ENTREP1: variants seen among roughly 807,000 people sequenced by gnomAD.
ENTREP1 encodes the protein Friedreich ataxia region gene X123.
chr9:69,365,515 G>A, the ENTREP1 span, among the ~76,000 whole-genome samples: 1 of 152,104 alleles, frequency 6.6e-6, no homozygotes, highest in Non-Finnish European at 1.5e-5. Context: ...TCATTTCTAT[G>A]TATTGGGGAC....
At chr9:69,389,173 A>G in the ENTREP1 span, among the ~76,000 whole-genome samples, 1 of 152,078 alleles carries the variant, frequency 6.6e-6, no homozygotes, top group South Asian at 2.1e-4. Flanking sequence ...TGTTGGCTTC[A>G]TTGCTGCAGG....
chr9:69,326,569 G>C, the ENTREP1 span, among the ~76,000 whole-genome samples: 2 of 152,018 alleles, frequency 1.3e-5, no homozygotes, highest in Non-Finnish European at 2.9e-5. Context: ...TGGACACCGG[G>C]TGGCCACTCC....
At chr9:69,377,941 C>A in the ENTREP1 span, among the ~76,000 whole-genome samples, 1 of 152,150 alleles carries the variant, frequency 6.6e-6, no homozygotes, top group African/African-American at 2.4e-5. Flanking sequence ...TTTAGAGAGT[C>A]CACCTCTGCC....
the ENTREP1 span, chr9:69,385,917 G>T: frequency 3.1e-6 from 5 of 1,612,884 alleles, no homozygotes; most frequent in Non-Finnish European, 4.2e-6. Context: ...GTCGAAGAGT[G>T]ACCCTGTGCT....
chr9:69,369,975 A>C, the ENTREP1 span, among the ~76,000 whole-genome samples: 1 of 152,146 alleles, frequency 6.6e-6, no homozygotes, highest in South Asian at 2.1e-4. Context: ...TATATGAGTG[A>C]AAATATTTTC....
chr9:69,377,561 C>T, the ENTREP1 span: 72 of 1,612,168 alleles, frequency 4.5e-5, no homozygotes, highest in East Asian at 1.0e-3. Context: ...CCTCTCTCCC[C>T]GTGCCTTTGT....
the ENTREP1 span, among the ~76,000 whole-genome samples, chr9:69,355,824 G>A: frequency 2.1e-3 from 319 of 152,314 alleles, 1 homozygote; most frequent in Non-Finnish European, 3.6e-3. Flanking sequence ...GGCTGGTGAC[G>A]AGAGCGTGAA....
the ENTREP1 span, among the ~76,000 whole-genome samples, chr9:69,337,224 A>G: frequency 6.6e-6 from 1 of 151,696 alleles, no homozygotes; most frequent in Non-Finnish European, 1.5e-5. Flanking sequence ...CATGTTGGCC[A>G]GGCTAGTCCC....
chr9:69,358,268 A>AT, the ENTREP1 span, among the ~76,000 whole-genome samples: 2 of 152,168 alleles, frequency 1.3e-5, no homozygotes, highest in Non-Finnish European at 2.9e-5. Context: ...GGTGGTAGCC[A>AT]TTTTCATGCT....
the ENTREP1 span, chr9:69,377,830 T>C: frequency 7.1e-6 from 10 of 1,403,982 alleles, no homozygotes; most frequent in Middle Eastern, 2.6e-4. Context: ...CCACATGAGA[T>C]CTCACTTTTC....
chr9:69,382,906 C>T, the ENTREP1 span: 1 of 403,270 alleles, frequency 2.5e-6, no homozygotes, highest in Non-Finnish European at 3.4e-6. Context: ...TACTCCATAG[C>T]AGAATGCAGG....
At chr9:69,363,327 A>G in the ENTREP1 span, among the ~76,000 whole-genome samples, 1 of 152,200 alleles carries the variant, frequency 6.6e-6, no homozygotes, top group African/African-American at 2.4e-5. Flanking sequence ...TAACTGGGCA[A>G]GTGATGATTA....
the ENTREP1 span, chr9:69,383,705 T>G: frequency 6.2e-7 from 1 of 1,614,040 alleles, no homozygotes; most frequent in Non-Finnish European, 8.5e-7. Flanking sequence ...TGTTCTGTCC[T>G]CTGGATCCCC....
At chr9:69,326,523 C>T in the ENTREP1 span, among the ~76,000 whole-genome samples, 1 of 152,198 alleles carries the variant, frequency 6.6e-6, no homozygotes, top group African/African-American at 2.4e-5. Context: ...AAAGAGTGCC[C>T]AACTTCAGAG....
chr9:69,340,747 T>TTG, the ENTREP1 span, among the ~76,000 whole-genome samples: 2 of 26,744 alleles, frequency 7.5e-5, no homozygotes, highest in East Asian at 6.3e-4. Context: ...GTGTGTGTGT[T>TTG]TGTGTGTGTG....
the ENTREP1 span, among the ~76,000 whole-genome samples, chr9:69,327,588 G>A: frequency 1.3e-5 from 2 of 150,852 alleles, no homozygotes; most frequent in Admixed American, 6.6e-5. Context: ...CTTAGATATC[G>A]GTCAAGCCAC....
At chr9:69,383,923 AC>A in the ENTREP1 span, 3 of 1,605,714 alleles carry the variant, frequency 1.9e-6, no homozygotes, top group Non-Finnish European at 1.7e-6. Context: ...CAACAAAATA[AC>A]CCTGTTTTTT....
the ENTREP1 span, among the ~76,000 whole-genome samples, chr9:69,364,192 A>G: frequency 1.3e-5 from 2 of 152,208 alleles, no homozygotes; most frequent in African/African-American, 4.8e-5. Context: ...GGACTTCCAT[A>G]TAAATAATTT....
At chr9:69,369,350 T>C in the ENTREP1 span, among the ~76,000 whole-genome samples, 1 of 152,178 alleles carries the variant, frequency 6.6e-6, no homozygotes, top group Non-Finnish European at 1.5e-5. Context: ...ATATACCCAG[T>C]AATGGGATTG....
Sources: allele counts gnomAD v4.1 joint callset (sites outside exome capture counted in the v4.1 genomes callset), GRCh38; gene constraint gnomAD v4.1.1; transcripts MANE v1.5; gene names NCBI Gene and HGNC (gene_info 2026-07-23, HGNC 2026-07-21).